The following ROS1 variants were observed in gnomAD, a reference collection of about 807,000 sequenced individuals.
The protein encoded by ROS1 is proto-oncogene tyrosine-protein kinase ROS.
Under a neutral mutation model 273.5 loss-of-function variants are expected in ROS1, and 263 were observed. The observed-to-expected ratio is 0.96, with a 90% CI of 0.87 to 1.06. The LOEUF (loss-of-function observed/expected upper bound fraction) is 1.06. Ranked by LOEUF, ROS1 falls within the 50% of genes least tolerant of loss-of-function variation. The pLI is 0.00. For synonymous variants in ROS1, 1,008 were observed against 954.1 expected (o/e 1.06, Z -1.04); for missense variants, 2,833 against 2,751.1 (o/e 1.03, Z -0.67).
Position 117,379,119 on chromosome 6 carries a change from TA to T in ROS1, c.2521del (p.Tyr841IlefsTer43). 6.2e-7 allele frequency: 1 copy of T among 1,613,228 alleles called. No individual in the cohort carries two copies. The highest frequency in any genetic ancestry group is 8.5e-7 in the Non-Finnish European group (1 of 1,179,298). On this transcript the variant is annotated frameshift_variant, in exon 18 of 44. Transcript: ENST00000368507. LOFTEE classifies it high-confidence loss of function. The stretch of plus-strand genomic sequence containing the variant: ...ACATTGACTGTCTTGAACCAACCAA[TA>T]CAGGAGCCCATCACTGAGGTCTAAA... ...LTLDLSDGLL[Y>X]WLVQDSQCIH...
chr6:117,354,182 C>A (rs1445829410), intron 26 of ROS1, among the ~76,000 whole-genome samples: 2 of 151,906 alleles, frequency 1.3e-5, no homozygotes, highest in Non-Finnish European at 2.9e-5. Flanking sequence ...AATACCCTGT[C>A]TCTACAAAAA....
chr6:117,424,965 G>C (rs1776031061), intron 1 of ROS1, among the ~76,000 whole-genome samples: 1 of 152,102 alleles, frequency 6.6e-6, no homozygotes, highest in Non-Finnish European at 1.5e-5. Flanking sequence ...TGGTACAATA[G>C]TTAGAGAAGG....
intron 2 of ROS1, among the ~76,000 whole-genome samples, chr6:117,418,162 G>C (rs1775474980): frequency 1.3e-5 from 2 of 152,102 alleles, no homozygotes; most frequent in South Asian, 4.1e-4. Flanking sequence ...AGAAATATTG[G>C]AGACGATCTC....
chr6:117,347,221 A>G (rs1202900052), intron 27 of ROS1, among the ~76,000 whole-genome samples: 1 of 152,148 alleles, frequency 6.6e-6, no homozygotes, highest in Non-Finnish European at 1.5e-5. Context: ...ATACTTATTT[A>G]GCACTTTGAT....
rs568804917 is a variant in ROS1 at position 117,425,843 on chromosome 6, G to T, written c.-187C>A. The T allele has an allele frequency of 1.9e-6, 1 of 540,302 alleles. No individual in the cohort carries two copies. The highest frequency in any genetic ancestry group is 3.2e-6 in the Non-Finnish European group (1 of 314,064). The allele number at this position is 540,302 out of a possible 1,614,324, so 33.5% of individuals were successfully genotyped here. On this transcript the variant is annotated 5_prime_UTR_variant, in exon 1 of 44. Transcript: ENST00000368507. ...GCCTTTTTCATTTAGACCTTTGAAT[G>T]CTTGAAAGCTTGTAACAGTTCCATA...
intron 6 of ROS1, 128 bp from the exon 7 acceptor site, chr6:117,403,405 T>C (rs1283374732): frequency 2.2e-6 from 2 of 930,112 alleles, no homozygotes; most frequent in Non-Finnish European, 3.2e-6. Flanking sequence ...GCCTGGAGCT[T>C]AGAGCTAAGC....
intron 18 of ROS1, 65 bp from the exon 19 acceptor site, chr6:117,366,355 T>C: frequency 9.1e-7 from 1 of 1,097,792 alleles, no homozygotes; most frequent in African/African-American, 1.5e-5. Context: ...TCCATGCAAG[T>C]AGTCATGAGA....
chr6:117,295,254 A>G (rs1175235659), intron 43 of ROS1, among the ~76,000 whole-genome samples: 1 of 152,230 alleles, frequency 6.6e-6, no homozygotes, highest in Non-Finnish European at 1.5e-5. Flanking sequence ...AGTCTCTTCA[A>G]TAAATGCTGC....
chr6:117,340,259 CCA>C (rs1327138632), intron 31 of ROS1, among the ~76,000 whole-genome samples: 2 of 151,998 alleles, frequency 1.3e-5, no homozygotes, highest in African/African-American at 4.8e-5. Context: ...CAGTGTTGTT[CCA>C]CAGTTTTCAT....
In ROS1 at chr6:117,309,992, A is replaced by G. The variant is rs1372926828; in HGVS notation, c.6416+89T>C. The G allele has an allele frequency of 5.9e-6, 7 of 1,182,556 alleles. No homozygotes were observed. The East Asian group carries it at 1.6e-4, about 28-fold the overall frequency. The allele number at this position is 1,182,556 out of a possible 1,614,324, so 73.3% of individuals were successfully genotyped here. ...TCTCTCTGGTCTTCTGTTTTCTCAC[A>G]TTAAAAAAGCAAGATTAGATGTCCT... On this transcript the variant is annotated intron_variant, in intron 41 of 43. Coordinates refer to ENST00000368507, the MANE Select transcript of ROS1 (RefSeq NM_001378902.1).
intron 9 of ROS1, among the ~76,000 whole-genome samples, chr6:117,395,960 T>C (rs1442343604): frequency 6.6e-6 from 1 of 152,194 alleles, no homozygotes; most frequent in Non-Finnish European, 1.5e-5. Context: ...CTAAATTTTT[T>C]ATTCTGATTT....
In ROS1 at chr6:117,294,773, A is replaced by G. The variant is rs1053755560; in HGVS notation, c.6716-5971T>C. Among the ~76,000 whole-genome samples, 7 of 152,196 alleles carry G rather than the reference A, an allele frequency of 4.6e-5. No homozygotes were observed. In the South Asian group the frequency reaches 8.3e-4, roughly 18 times the overall value. ...AACCAAGGAGATGAAAATTCTCTAC[A>G]AGGGAAACTACAAAACACTGATGAA... On this transcript the variant is annotated intron_variant, in intron 43 of 43. Coordinates refer to ENST00000368507, the MANE Select transcript of ROS1 (RefSeq NM_001378902.1).
intron 43 of ROS1, among the ~76,000 whole-genome samples, chr6:117,289,504 C>T (rs1048123230): frequency 2.6e-5 from 4 of 152,160 alleles, no homozygotes; most frequent in African/African-American, 9.7e-5. Context: ...TTTAATGGAT[C>T]TACCTATTTA....
At chr6:117,361,645 C>T (rs1217868829) in intron 22 of ROS1, among the ~76,000 whole-genome samples, 2 of 150,490 alleles carry the variant, frequency 1.3e-5, no homozygotes, top group African/African-American at 4.9e-5. Context: ...TAATTTTTAC[C>T]AAATAGGAAC....
chr6:117,326,268 A>G lies in ROS1; in HGVS notation c.5495T>C (p.Phe1832Ser). The change falls in exon 34 of 44, where the codon TTT becomes TCT. Residue 1832 changes from phenylalanine to serine, a missense_variant. Coordinates refer to ENST00000368507, the MANE Select transcript of ROS1 (RefSeq NM_001378902.1). ...FRVVAANNLG[F>S]GEYSGISENI... Reference sequence around the variant, plus strand: ...CTCACTGATTCCACTATATTCACCAAACCCTAGATTATTTGCAGCTACTAC... The same window carrying G: ...CTCACTGATTCCACTATATTCACCAGACCCTAGATTATTTGCAGCTACTAC... The G allele has an allele frequency of 6.2e-7, 1 of 1,601,864 alleles. No individual in the cohort carries two copies. The highest frequency in any genetic ancestry group is 8.5e-7 in the Non-Finnish European group (1 of 1,176,470).
At chr6:117,338,624 C>A (rs1777663556) in intron 31 of ROS1, among the ~76,000 whole-genome samples, 1 of 151,890 alleles carries the variant, frequency 6.6e-6, no homozygotes, top group Non-Finnish European at 1.5e-5. Flanking sequence ...GTCTAGGTAA[C>A]CCAACATTCC....
intron 5 of ROS1, among the ~76,000 whole-genome samples, chr6:117,406,945 C>T (rs901783229): frequency 6.6e-6 from 1 of 152,048 alleles, no homozygotes; most frequent in Non-Finnish European, 1.5e-5. Flanking sequence ...TCTGTGTTTA[C>T]CTTGAGTGTC....
chr6:117,331,010 T>C (rs745770841), intron 32 of ROS1, among the ~76,000 whole-genome samples: 2 of 152,164 alleles, frequency 1.3e-5, no homozygotes, highest in Non-Finnish European at 2.9e-5. Context: ...CTGACAGAAG[T>C]AGGCTTCACA....
rs145788522 is a variant in ROS1, at chr6:117,341,210, C to T, written c.4986G>A (p.Glu1662=). ...TPEKPYSLVP[E]NTSLQFNWKA... is the part of the protein sequence containing the mutation. ...TCCAATTAAATTGCAAACTAGTGTT[C>T]TCTGGAACCAAGGAATAAGGTTTCT... The change falls in exon 31 of 44, where the codon GAG becomes GAA. Residue 1662 remains glutamate (E), a synonymous_variant. Transcript: ENST00000368507. 6.8e-6 allele frequency: 11 copies of T among 1,613,494 alleles called. No homozygotes were observed. In the East Asian group the frequency reaches 2.2e-4, roughly 33 times the overall value.
Sources: allele counts gnomAD v4.1 joint callset (sites outside exome capture counted in the v4.1 genomes callset), GRCh38; gene constraint gnomAD v4.1.1; transcripts MANE v1.5; gene names NCBI Gene and HGNC (gene_info 2026-07-23, HGNC 2026-07-21).